Variants in THADA observed in about 807,000 individuals in gnomAD.
The protein encoded by THADA is THADA armadillo repeat containing.
Under a neutral mutation model 219.8 loss-of-function variants are expected in THADA, and 213 were observed. The ratio of observed to expected loss-of-function variants is 0.97; its 90% CI spans 0.87 to 1.09. The LOEUF (loss-of-function observed/expected upper bound fraction) is 1.09. Ranked by LOEUF, THADA falls within the 50% of genes least tolerant of loss-of-function variation. The pLI is 0.00. For missense variants in THADA, 2,956 were observed against 2,311.3 expected (o/e 1.28, Z -5.72); for synonymous variants, 1,018 against 828.9 (o/e 1.23, Z -3.92).
chr2:43,497,303 T>C (rs1463312451), intron 25 of THADA, among the ~76,000 whole-genome samples: 1 of 152,174 alleles, frequency 6.6e-6, no homozygotes, highest in African/African-American at 2.4e-5. Flanking sequence ...CCATCAATGA[T>C]AGACTGGATA....
chr2:43,260,944 T>C (rs1020518054), intron 36 of THADA, among the ~76,000 whole-genome samples: 1 of 152,166 alleles, frequency 6.6e-6, no homozygotes, highest in African/African-American at 2.4e-5. Context: ...ACCTTTTACA[T>C]TCTGAGAAAG....
intron 26 of THADA, among the ~76,000 whole-genome samples, chr2:43,465,011 G>C (rs1212896327): frequency 6.6e-6 from 1 of 152,022 alleles, no homozygotes; most frequent in Non-Finnish European, 1.5e-5. Context: ...TGGTATATTT[G>C]GATGAAAAGA....
intron 21 of THADA, among the ~76,000 whole-genome samples, chr2:43,535,355 G>C (rs1383894173): frequency 2.0e-5 from 3 of 150,858 alleles, no homozygotes; most frequent in African/African-American, 7.3e-5. Context: ...CTTACTTTTT[G>C]TTGTCTATGC....
intron 31 of THADA, among the ~76,000 whole-genome samples, chr2:43,312,158 G>A (rs112670648): frequency 1.3e-5 from 2 of 151,400 alleles, no homozygotes; most frequent in African/African-American, 2.4e-5. Context: ...GGTTGAGGCT[G>A]CAGCGAGCCA....
chr2:43,259,641 C>T (rs1013669496), intron 36 of THADA, among the ~76,000 whole-genome samples: 5 of 152,198 alleles, frequency 3.3e-5, no homozygotes, highest in Non-Finnish European at 5.9e-5. Flanking sequence ...CAATATATCA[C>T]GGATGCCTTT....
At chr2:43,322,462 C>CCA (rs1678827868) in intron 30 of THADA, among the ~76,000 whole-genome samples, 1 of 151,558 alleles carries the variant, frequency 6.6e-6, no homozygotes, top group African/African-American at 2.4e-5. Flanking sequence ...TGAGATCATG[C>CCA]CACTGCATGC....
chr2:43,541,174 T>A lies in THADA; in HGVS notation c.3249A>T (p.Leu1083Phe). 6.3e-7 allele frequency: 1 copy of A among 1,589,608 alleles called. No individual in the cohort carries two copies. Among genetic ancestry groups the A allele is most frequent in the Non-Finnish European group, 8.5e-7 (1 of 1,171,736 alleles). The change falls in exon 21 of 38, where the codon TTA becomes TTT. Residue 1083 changes from leucine to phenylalanine, a missense_variant. Leu to Phe is a conservative substitution (Grantham distance 22). Transcript: ENST00000405975. ...MQPVPESSDG[L>F]LTVEQVKEIG... ...TGTGCCTTACCTGCTCCACCGTCAA[T>A]AATCCATCAGAAGATTCTGGCACAG... is the stretch of plus-strand genomic sequence containing the variant.
intron 25 of THADA, among the ~76,000 whole-genome samples, chr2:43,491,367 C>A (rs1184318982): frequency 6.6e-6 from 1 of 152,076 alleles, no homozygotes; most frequent in Non-Finnish European, 1.5e-5. Flanking sequence ...GCAAAAGTAA[C>A]CGCAGTTATT....
intron 16 of THADA, among the ~76,000 whole-genome samples, chr2:43,559,819 T>G (rs1347454196): frequency 6.6e-6 from 1 of 152,230 alleles, no homozygotes; most frequent in East Asian, 1.9e-4. Context: ...CTACCTCATT[T>G]ACACTCAGTT....
chr2:43,446,265 A>G (rs911365002), intron 26 of THADA, among the ~76,000 whole-genome samples: 6 of 152,266 alleles, frequency 3.9e-5, no homozygotes, highest in African/African-American at 9.6e-5. Context: ...ACAAACTTCT[A>G]TCGTTCCTTA....
intron 34 of THADA, among the ~76,000 whole-genome samples, chr2:43,287,963 T>A (rs1674241071): frequency 6.6e-6 from 1 of 152,184 alleles, no homozygotes; most frequent in Non-Finnish European, 1.5e-5. Context: ...TGGTGGAAGC[T>A]GGAGCAAACA....
At chr2:43,473,206 CAGCTGTACAAAAACATTTCCT>C (rs1377898450) in intron 26 of THADA, among the ~76,000 whole-genome samples, 1 of 152,176 alleles carries the variant, frequency 6.6e-6, no homozygotes, top group Non-Finnish European at 1.5e-5. Flanking sequence ...ACACATTATT[CAGCTGTACAAAAACATTTCCT>C]TTCTTTATAC....
chr2:43,308,866 A>G (rs1251528025), intron 31 of THADA, among the ~76,000 whole-genome samples: 1 of 152,076 alleles, frequency 6.6e-6, no homozygotes, highest in East Asian at 1.9e-4. Flanking sequence ...CAAAACTACA[A>G]AACTTTAGAA....
chr2:43,507,427 G>A (rs541815337), intron 23 of THADA, among the ~76,000 whole-genome samples: 1 of 152,258 alleles, frequency 6.6e-6, no homozygotes, highest in Admixed American at 6.5e-5. Context: ...ACAGACAAAT[G>A]ACACGTAAAA....
At chr2:43,572,032 T>C (rs149391480) in intron 12 of THADA, among the ~76,000 whole-genome samples, 170 bp from the exon 13 acceptor site, 2 of 152,338 alleles carry the variant, frequency 1.3e-5, no homozygotes, top group Non-Finnish European at 2.9e-5. Context: ...TTATTTCCTA[T>C]ACAATTCTTT....
intron 20 of THADA, among the ~76,000 whole-genome samples, chr2:43,544,992 G>A (rs1223240655): frequency 2.0e-5 from 3 of 152,054 alleles, no homozygotes; most frequent in African/African-American, 7.3e-5. Flanking sequence ...CGCCCATTCA[G>A]TATGACATTC....
At chr2:43,579,651 G>A (rs1574349297) in intron 8 of THADA, among the ~76,000 whole-genome samples, 1 of 152,152 alleles carries the variant, frequency 6.6e-6, no homozygotes. Flanking sequence ...CATATAAGAG[G>A]GTTCAGGCCA....
At chr2:43,248,319 T>G (rs1036916022) in intron 36 of THADA, among the ~76,000 whole-genome samples, 23 of 151,290 alleles carry the variant, frequency 1.5e-4, no homozygotes, top group Admixed American at 5.3e-4. Flanking sequence ...AACCTCTGCC[T>G]CTCGGGTTCA....
chr2:43,337,700 CA>C (rs1441837094), intron 30 of THADA, among the ~76,000 whole-genome samples: 4 of 151,750 alleles, frequency 2.6e-5, no homozygotes, highest in Non-Finnish European at 5.9e-5. Context: ...CTCATACACA[CA>C]CACACACACA....
Sources: allele counts gnomAD v4.1 joint callset (sites outside exome capture counted in the v4.1 genomes callset), GRCh38; gene constraint gnomAD v4.1.1; transcripts MANE v1.5; gene names NCBI Gene and HGNC (gene_info 2026-07-23, HGNC 2026-07-21).